The following RSRC1 variants were observed in gnomAD, a reference collection of about 807,000 sequenced individuals.
RSRC1 encodes arginine and serine rich coiled-coil 1, also known as serine/Arginine-related protein 53.
In RSRC1, 39 loss-of-function variants were observed where a neutral mutation model predicts 49.1. The ratio of observed to expected loss-of-function variants is 0.79; its 90% CI spans 0.61 to 1.04. The LOEUF (loss-of-function observed/expected upper bound fraction) is 1.04, where lower values mean the gene tolerates loss of function less well. Ranked by LOEUF, RSRC1 falls within the 50% of genes least tolerant of loss-of-function variation. The pLI, the probability that RSRC1 is intolerant of heterozygous loss-of-function variation, is 0.00. For missense variants in RSRC1, 388 were observed against 402.4 expected, an observed-to-expected ratio of 0.96 and a Z score of 0.31; for synonymous variants, 143 against 130.8, an observed-to-expected ratio of 1.09 and a Z score of -0.63.
chr3:158,330,986 C>G (rs890525343), intron 5 of RSRC1, among the ~76,000 whole-genome samples: 113 of 152,150 alleles, frequency 7.4e-4, no homozygotes, highest in African/African-American at 2.7e-3. Context: ...AGTCATGTCT[C>G]ACATGGCAGC....
In RSRC1 at chr3:158,228,963, T is replaced by TGTATATGTGTGTATAAACACAC. The variant is rs1722707294; in HGVS notation, c.494+25718_494+25719insGTATATGTGTGTATAAACACAC. On this transcript the variant is annotated intron_variant, in intron 4 of 9. Coordinates refer to ENST00000611884, the MANE Select transcript of RSRC1 (RefSeq NM_001271838.2). ...GTGTATATGTGTGTATAAACACACA[T>TGTATATGTGTGTATAAACACAC]ACGTGTATATGTGTGTATAAACACA... 3.0e-4 allele frequency among the ~76,000 whole-genome samples: 32 copies of TGTATATGTGTGTATAAACACAC among 105,898 alleles called. 13 individuals carry two copies. The highest frequency in any genetic ancestry group is 1.7e-4 in the Non-Finnish European group (8 of 46,026). The allele number at this position is 105,898 out of a possible 152,430, so 69.5% of individuals were successfully genotyped here.
chr3:158,503,228 A>G (rs1739688131), intron 7 of RSRC1, among the ~76,000 whole-genome samples: 3 of 152,120 alleles, frequency 2.0e-5, no homozygotes, highest in South Asian at 2.1e-4. Flanking sequence ...ACAGAGTCCT[A>G]TGATGTAAAT....
In RSRC1 at chr3:158,280,664, T is replaced by G. The variant is rs13084449; in HGVS notation, c.495-17375T>G. ...TTTTTTTTTTTTTTTTTTTTTTTTT[T>G]GAGACGGAGTCTTGCTCTTTTTCCC... On this transcript the variant is annotated intron_variant, in intron 4 of 9. Transcript: ENST00000611884. 1.2e-4 allele frequency among the ~76,000 whole-genome samples: 7 copies of G among 57,326 alleles called. 1 individual carries two copies. The Middle Eastern group carries it at 0.049, about 399-fold the overall frequency. 37.6% of individuals were successfully genotyped at this position (57,326 alleles called of 152,430 possible).
intron 3 of RSRC1, among the ~76,000 whole-genome samples, chr3:158,155,031 T>G (rs1287675369): frequency 6.6e-6 from 1 of 152,068 alleles, no homozygotes; most frequent in Admixed American, 6.5e-5. Flanking sequence ...TTTGTTTTGT[T>G]ATTGCCACCA....
At chr3:158,253,958 C>T (rs999514119) in intron 4 of RSRC1, among the ~76,000 whole-genome samples, 5 of 152,084 alleles carry the variant, frequency 3.3e-5, no homozygotes, top group Non-Finnish European at 7.4e-5. Flanking sequence ...ATGTTCCCCG[C>T]CCTGTGTCCA....
intron 3 of RSRC1, among the ~76,000 whole-genome samples, chr3:158,149,606 A>G (rs1717394772): frequency 6.6e-6 from 1 of 152,188 alleles, no homozygotes; most frequent in Non-Finnish European, 1.5e-5. Flanking sequence ...TTTGGAGGGA[A>G]GAGGGTAAAT....
chr3:158,257,873 C>T (rs1335155748), intron 4 of RSRC1, among the ~76,000 whole-genome samples: 1 of 152,110 alleles, frequency 6.6e-6, no homozygotes, highest in Non-Finnish European at 1.5e-5. Context: ...CTGATGTCAA[C>T]TTAACATCGA....
intron 5 of RSRC1, among the ~76,000 whole-genome samples, chr3:158,328,158 C>T (rs1169190700): frequency 6.6e-6 from 1 of 152,138 alleles, no homozygotes; most frequent in Non-Finnish European, 1.5e-5. Context: ...CTGAATACAG[C>T]ACACTGATGG....
chr3:158,277,770 A>C (rs1725899767), intron 4 of RSRC1, among the ~76,000 whole-genome samples: 1 of 152,184 alleles, frequency 6.6e-6, no homozygotes, highest in East Asian at 1.9e-4. Context: ...TGAGCTCATT[A>C]AAATTTATTT....
chr3:158,148,590 G>T (rs1717316436), intron 3 of RSRC1, among the ~76,000 whole-genome samples: 1 of 152,022 alleles, frequency 6.6e-6, no homozygotes, highest in Non-Finnish European at 1.5e-5. Flanking sequence ...AGTTTTGAAT[G>T]TCATAAACTC....
intron 6 of RSRC1, among the ~76,000 whole-genome samples, chr3:158,443,831 C>T (rs1373802884): frequency 6.6e-6 from 1 of 152,130 alleles, no homozygotes; most frequent in Non-Finnish European, 1.5e-5. Context: ...GTGGCTCTTC[C>T]TTTCACTTGA....
chr3:158,136,791 G>T (rs1441977606), intron 3 of RSRC1: 1 of 152,082 alleles, frequency 6.6e-6, no homozygotes, highest in South Asian at 2.1e-4. Flanking sequence ...GAGAAAACGA[G>T]AAAATTGTGG....
intron 6 of RSRC1, among the ~76,000 whole-genome samples, chr3:158,400,874 C>T (rs553847590): frequency 2.0e-5 from 3 of 151,982 alleles, no homozygotes; most frequent in South Asian, 2.1e-4. Context: ...TTCAATTAAC[C>T]GCTCATTGAC....
At chr3:158,198,420 C>A (rs773499573) in intron 3 of RSRC1, among the ~76,000 whole-genome samples, 35 of 152,124 alleles carry the variant, frequency 2.3e-4, no homozygotes, top group Admixed American at 1.1e-3. Context: ...AATACAGCAC[C>A]CTGATGGGTC....
intron 6 of RSRC1, among the ~76,000 whole-genome samples, chr3:158,369,604 T>C (rs1731959646): frequency 1.3e-5 from 2 of 152,114 alleles, no homozygotes; most frequent in African/African-American, 2.4e-5. Context: ...AGACTGGACC[T>C]TCACATGTGT....
chr3:158,458,368 T>G (rs2108401844), intron 6 of RSRC1, among the ~76,000 whole-genome samples: 1 of 152,134 alleles, frequency 6.6e-6, no homozygotes, highest in Non-Finnish European at 1.5e-5. Context: ...TTAATTACAG[T>G]TTTTGCTATT....
Position 158,470,361 on chromosome 3 carries a change from C to CACAT in RSRC1, c.652+9359_652+9360insCATA, listed in dbSNP as rs756776025. Among the ~76,000 whole-genome samples the CACAT allele has an allele frequency of 1.4e-3, 144 of 100,332 alleles. 1 individual carries two copies. The highest frequency in any genetic ancestry group is 5.6e-3 in the Middle Eastern group (1 of 178). The allele number at this position is 100,332 out of a possible 152,430, so 65.8% of individuals were successfully genotyped here. On this transcript the variant is annotated intron_variant, in intron 7 of 9. Coordinates refer to ENST00000611884, the MANE Select transcript of RSRC1 (RefSeq NM_001271838.2). ...ACACACACACACACACACACACACA[C>CACAT]ATATATATATATATATATAAAACCA...
intron 3 of RSRC1, among the ~76,000 whole-genome samples, chr3:158,126,265 T>C (rs542282728): frequency 2.6e-5 from 4 of 152,230 alleles, no homozygotes; most frequent in African/African-American, 9.6e-5. Context: ...TTGTTGATTG[T>C]TTTCTGCCTT....
intron 5 of RSRC1, among the ~76,000 whole-genome samples, chr3:158,349,691 CTT>C (rs775736592): frequency 3.1e-4 from 23 of 74,838 alleles, no homozygotes; most frequent in African/African-American, 1.1e-3. Context: ...TCTTACTGCC[CTT>C]TTTTTTTTTT....
Sources: gnomAD v4.1 joint callset for allele counts (sites outside exome capture counted in the v4.1 genomes callset) on GRCh38, gnomAD v4.1.1 for gene constraint, MANE v1.5 for transcripts, NCBI Gene and HGNC (gene_info 2026-07-23, HGNC 2026-07-21) for gene names.